Variants in SYTL5 observed in about 807,000 individuals in gnomAD.
The protein encoded by SYTL5 is synaptotagmin like 5.
SYTL5 carries 34 observed loss-of-function variants against 55.9 expected under a neutral mutation model. The observed-to-expected ratio is 0.61, with a 90% CI of 0.46 to 0.81. The LOEUF is 0.81. SYTL5 is among the 30% of genes least tolerant of loss of function. The pLI, the probability that SYTL5 is intolerant of heterozygous loss-of-function variation, is 0.00. For missense variants in SYTL5, 637 were observed against 546.7 expected (o/e 1.17, Z -1.65); for synonymous variants, 221 against 188.7 (o/e 1.17, Z -1.40).
the SYTL5 span, among the ~76,000 whole-genome samples, chrX:37,931,341 C>A: frequency 1.8e-5 from 2 of 111,514 alleles, no homozygotes; most frequent in Non-Finnish European, 3.8e-5. Context: ...ACTAAGTTAG[C>A]AAACAGTACT....
intron 2 of SYTL5, among the ~76,000 whole-genome samples, chrX:38,044,927 T>C (rs908051191): frequency 1.8e-5 from 2 of 112,033 alleles, no homozygotes; most frequent in African/African-American, 6.5e-5. Flanking sequence ...ATGATAAGAC[T>C]ATAGTGAATA....
intron 6 of SYTL5, among the ~76,000 whole-genome samples, chrX:38,085,569 A>G (rs1366692723): frequency 1.8e-5 from 2 of 111,962 alleles, no homozygotes; most frequent in African/African-American, 3.2e-5. Context: ...TAGATCCAAA[A>G]TAACTATAAG....
chrX:37,911,410 C>T, the SYTL5 span, among the ~76,000 whole-genome samples: 1 of 111,712 alleles, frequency 9.0e-6, no homozygotes, highest in Non-Finnish European at 1.9e-5. Context: ...AGAGGCTACA[C>T]ATCAGCCCAT....
chrX:37,961,805 C>G, the SYTL5 span, among the ~76,000 whole-genome samples: 1 of 111,720 alleles, frequency 9.0e-6, no homozygotes, highest in East Asian at 2.8e-4. Flanking sequence ...ATGTACATTA[C>G]AAAATCAAAG....
chrX:37,911,379 C>A, the SYTL5 span, among the ~76,000 whole-genome samples: 2 of 111,372 alleles, frequency 1.8e-5, no homozygotes, highest in Admixed American at 9.6e-5. Flanking sequence ...TAATCTCATA[C>A]AAATAGAAGT....
At chrX:37,986,493 G>A in the SYTL5 span, among the ~76,000 whole-genome samples, 27 of 112,034 alleles carry the variant, frequency 2.4e-4, 1 homozygote, top group Admixed American at 2.5e-3. Context: ...ATTAGGTCAG[G>A]GGTCGATCTT....
intron 3 of SYTL5, among the ~76,000 whole-genome samples, chrX:38,065,017 T>C (rs1602359852): frequency 9.0e-6 from 1 of 111,653 alleles, no homozygotes; most frequent in African/African-American, 3.2e-5. Flanking sequence ...TGTATTTTTC[T>C]CATCCCATGT....
intron 7 of SYTL5, among the ~76,000 whole-genome samples, chrX:38,093,166 T>C (rs181528831): frequency 6.2e-5 from 7 of 112,027 alleles, no homozygotes; most frequent in Non-Finnish European, 1.3e-4. Context: ...CAGCTACAGG[T>C]ATTATGTGTT....
the SYTL5 span, among the ~76,000 whole-genome samples, chrX:37,964,018 G>C: frequency 3.6e-5 from 4 of 111,587 alleles, no homozygotes; most frequent in Non-Finnish European, 7.5e-5. Flanking sequence ...GCAGTGCTAT[G>C]CTCTGAATGT....
At chrX:37,988,856 T>C in the SYTL5 span, among the ~76,000 whole-genome samples, 2 of 112,335 alleles carry the variant, frequency 1.8e-5, no homozygotes, top group Non-Finnish European at 3.8e-5. Context: ...GCAGGACTTG[T>C]AAGCAATGAA....
At chrX:37,936,974 C>T in the SYTL5 span, among the ~76,000 whole-genome samples, 2 of 107,180 alleles carry the variant, frequency 1.9e-5, no homozygotes, top group African/African-American at 3.4e-5. Context: ...TGCTTGAACC[C>T]GGGAGGCGAA....
chrX:37,930,539 G>A, the SYTL5 span, among the ~76,000 whole-genome samples: 1 of 111,430 alleles, frequency 9.0e-6, no homozygotes, highest in Admixed American at 9.5e-5. Context: ...GATAGAAGGA[G>A]CCTGGGTCCT....
At chrX:37,903,552 G>C in the SYTL5 span, among the ~76,000 whole-genome samples, 1 of 79,181 alleles carries the variant, frequency 1.3e-5, no homozygotes, top group Non-Finnish European at 2.4e-5. Flanking sequence ...GCCTGTTGTG[G>C]GGTGGGGGGA....
chrX:37,890,278 A>T, the SYTL5 span, among the ~76,000 whole-genome samples: 1 of 111,438 alleles, frequency 9.0e-6, no homozygotes, highest in African/African-American at 3.3e-5. Context: ...CAGCACCAGG[A>T]CCCATTTAGA....
intron 7 of SYTL5, among the ~76,000 whole-genome samples, chrX:38,090,762 C>G (rs1936783031): frequency 8.9e-6 from 1 of 112,643 alleles, no homozygotes; most frequent in Non-Finnish European, 1.9e-5. Flanking sequence ...CAGGTACATG[C>G]AGGGAAGGCT....
chrX:37,991,357 A>G, the SYTL5 span: 3 of 908,258 alleles, frequency 3.3e-6, no homozygotes, highest in Non-Finnish European at 4.5e-6. Flanking sequence ...TTTGGGTTGT[A>G]GGTGTCTGTA....
chrX:37,940,046 G>A, the SYTL5 span, among the ~76,000 whole-genome samples: 2 of 110,124 alleles, frequency 1.8e-5, no homozygotes, highest in African/African-American at 6.6e-5. Flanking sequence ...ATGTTGGCCA[G>A]GCAGGTCTCG....
At chrX:37,982,014 G>A in the SYTL5 span, among the ~76,000 whole-genome samples, 1 of 111,977 alleles carries the variant, frequency 8.9e-6, no homozygotes, top group Non-Finnish European at 1.9e-5. Context: ...AAAATTGTAA[G>A]ACATTCAAAG....
chrX:38,054,524 G>T (rs1935721645), intron 3 of SYTL5, 102 bp downstream of exon 3: 4 of 801,283 alleles, frequency 5.0e-6, no homozygotes, highest in Non-Finnish European at 7.1e-6. Context: ...TAAGGATAGA[G>T]AGTGCAGGTG....
Sources: allele counts gnomAD v4.1 joint callset (sites outside exome capture counted in the v4.1 genomes callset), GRCh38; gene constraint gnomAD v4.1.1; transcripts MANE v1.5; gene names NCBI Gene and HGNC (gene_info 2026-07-23, HGNC 2026-07-21).